Variants in EML1 observed in about 807,000 individuals in gnomAD.
EML1 encodes EMAP like 1, also known as echinoderm microtubule-associated protein-like 1.
A neutral mutation model predicts 110.4 loss-of-function variants in EML1; 27 were observed. That is an observed-to-expected ratio of 0.24 (90% confidence interval 0.18 to 0.34). The LOEUF (loss-of-function observed/expected upper bound fraction) is 0.34, where lower values mean the gene tolerates loss of function less well. EML1 is among the 10% of genes least tolerant of loss of function. The pLI, the probability that EML1 is intolerant of heterozygous loss-of-function variation, is 1.00. For synonymous variants in EML1, 344 were observed against 385.8 expected (o/e 0.89, Z 1.27); for missense variants, 741 against 1,030.9 (o/e 0.72, Z 3.85).
chr14:99,907,397 G>GGTCAA (rs1332997840), intron 9 of EML1: 3 of 472,136 alleles, frequency 6.4e-6, no homozygotes, highest in Admixed American at 7.5e-5. Flanking sequence ...GAGCCTGGGA[G>GGTCAA]GTCAAGGGTG....
intron 1 of EML1, among the ~76,000 whole-genome samples, chr14:99,836,420 T>G (rs544528784): frequency 1.3e-5 from 2 of 152,316 alleles, no homozygotes; most frequent in Admixed American, 1.3e-4. Flanking sequence ...GGTCAATTCT[T>G]TGGGATTTTC....
At position 99,831,064 on chromosome 14, in the gene EML1, T is replaced by C. The variant is rs568173388; in HGVS notation, c.68-19789T>C. 7.4e-4 allele frequency among the ~76,000 whole-genome samples: 112 copies of C among 152,306 alleles called. 3 individuals carry two copies. The South Asian group carries it at 0.022, about 30-fold the overall frequency. ...GCCTCTCTAAATTCCAAATTTTCAC[T>C]CTGGAAAATTCAACAACTCAAATGT... On this transcript the variant is annotated intron_variant, in intron 1 of 21. Transcript: ENST00000262233.
At chr14:99,788,743 A>G (rs777125381), upstream of EML1, among the ~76,000 whole-genome samples, 5 of 152,118 alleles carry the variant, frequency 3.3e-5, no homozygotes, top group Non-Finnish European at 7.4e-5. Flanking sequence ...TCTGCTACCC[A>G]CACCACCATT....
intron 10 of EML1, among the ~76,000 whole-genome samples, chr14:99,909,053 A>AT (rs2059904081): frequency 6.6e-6 from 1 of 152,046 alleles, no homozygotes; most frequent in Non-Finnish European, 1.5e-5. Context: ...CTGCATGCCC[A>AT]CCCCATGCCT....
At chr14:99,847,524 AT>A (rs1433068752) in intron 1 of EML1, among the ~76,000 whole-genome samples, 3 of 152,144 alleles carry the variant, frequency 2.0e-5, no homozygotes, top group Non-Finnish European at 2.9e-5. Context: ...TAATTTTTAA[AT>A]TTTTTATAGA....
chr14:99,920,407 C>A (rs546141615), intron 16 of EML1, among the ~76,000 whole-genome samples: 1 of 152,334 alleles, frequency 6.6e-6, no homozygotes, highest in East Asian at 1.9e-4. Context: ...CCTGCTTCGC[C>A]CTGGAAACCT....
chr14:99,793,302 C>T, upstream of EML1: 1 of 978,312 alleles, frequency 1.0e-6, no homozygotes. Flanking sequence ...GCTGGGCTCG[C>T]GCGGCTGCGG....
chr14:99,925,925 C>T (rs2060225361), intron 17 of EML1, among the ~76,000 whole-genome samples: 1 of 152,190 alleles, frequency 6.6e-6, no homozygotes, highest in South Asian at 2.1e-4. Context: ...ACTTCCATCC[C>T]AGTGCTACTA....
chr14:99,901,177 T>G, intron 9 of EML1, 138 bp downstream of exon 9: 1 of 696,788 alleles, frequency 1.4e-6, no homozygotes, highest in Non-Finnish European at 2.5e-6. Context: ...ACATTCCTGC[T>G]TCCCAGAACC....
intron 3 of EML1, among the ~76,000 whole-genome samples, chr14:99,873,280 AGATAGACT>A (rs1489240273): frequency 6.6e-6 from 1 of 152,250 alleles, no homozygotes; most frequent in African/African-American, 2.4e-5. Context: ...GACAAATGTG[AGATAGACT>A]GGTAAATATC....
intron 17 of EML1, among the ~76,000 whole-genome samples, chr14:99,925,172 T>C (rs1033124482): frequency 2.6e-5 from 4 of 152,164 alleles, no homozygotes; most frequent in East Asian, 3.8e-4. Flanking sequence ...TGACAGAATG[T>C]ATGTGAATTT....
intron 1 of EML1, among the ~76,000 whole-genome samples, chr14:99,750,699 A>G (rs732787): frequency 0.55 from 83,799 of 151,936 alleles, 24,731 homozygotes; most frequent in Admixed American, 0.64. Flanking sequence ...GTGGCCTCCT[A>G]AGACAGTCAC....
At chr14:99,749,071 T>C (rs1450323363) in intron 1 of EML1, among the ~76,000 whole-genome samples, 2 of 152,196 alleles carry the variant, frequency 1.3e-5, no homozygotes, top group Admixed American at 6.5e-5. Context: ...TGGACGGGCA[T>C]TTGGGTTATT....
chr14:99,903,738 T>C (rs1340589368), intron 9 of EML1, among the ~76,000 whole-genome samples: 6 of 152,034 alleles, frequency 3.9e-5, no homozygotes, highest in Admixed American at 3.9e-4. Flanking sequence ...ATTAGTGTAC[T>C]ATTGATGTTA....
upstream of EML1, among the ~76,000 whole-genome samples, chr14:99,769,614 T>C (rs2057402361): frequency 6.6e-6 from 1 of 152,184 alleles, no homozygotes; most frequent in South Asian, 2.1e-4. Flanking sequence ...AGGGTGATGG[T>C]CACTATCAAG....
intron 1 of EML1, among the ~76,000 whole-genome samples, chr14:99,803,427 A>G (rs1348396825): frequency 6.6e-6 from 1 of 152,234 alleles, no homozygotes; most frequent in Non-Finnish European, 1.5e-5. Context: ...ATTGAACTCT[A>G]CCCTTCAGCA....
chr14:99,867,220 A>G (rs560132938), intron 3 of EML1, among the ~76,000 whole-genome samples: 1 of 152,232 alleles, frequency 6.6e-6, no homozygotes, highest in East Asian at 1.9e-4. Flanking sequence ...TACCATCTTG[A>G]TTACTATTGC....
intron 20 of EML1, among the ~76,000 whole-genome samples, chr14:99,938,723 C>T (rs1176061478): frequency 1.3e-5 from 2 of 152,242 alleles, no homozygotes; most frequent in African/African-American, 4.8e-5. Context: ...AAGCAACAGC[C>T]ACAGTGAGTG....
At chr14:99,747,937 G>A (rs1222603404) in intron 1 of EML1, among the ~76,000 whole-genome samples, 3 of 152,214 alleles carry the variant, frequency 2.0e-5, no homozygotes, top group Non-Finnish European at 4.4e-5. Context: ...AGCTGGTTGA[G>A]AGAGGGTAAA....
Sources: allele counts gnomAD v4.1 joint callset (sites outside exome capture counted in the v4.1 genomes callset), GRCh38; gene constraint gnomAD v4.1.1; transcripts MANE v1.5; gene names NCBI Gene and HGNC (gene_info 2026-07-23, HGNC 2026-07-21).